The following EDIL3 variants were observed in gnomAD, a reference collection of about 807,000 sequenced individuals.
EDIL3 encodes the protein EGF like and discoidin domains 3.
In EDIL3, 37 loss-of-function variants were observed where a neutral mutation model predicts 67.4. The observed-to-expected ratio is 0.55, with a 90% CI of 0.42 to 0.72. The LOEUF (loss-of-function observed/expected upper bound fraction) is 0.72. Ranked by LOEUF, EDIL3 falls within the 30% of genes least tolerant of loss-of-function variation. The pLI is 0.00. For missense variants in EDIL3, 527 were observed against 586.3 expected (o/e 0.90, Z 1.04); for synonymous variants, 195 against 196.3 (o/e 0.99, Z 0.05).
At chr5:84,192,905 C>T (rs10066970) in intron 3 of EDIL3, among the ~76,000 whole-genome samples, 63 of 151,992 alleles carry the variant, frequency 4.1e-4, no homozygotes, top group African/African-American at 1.5e-3. Flanking sequence ...AGAAGTGAAG[C>T]ATAGACTAGA....
intron 9 of EDIL3, among the ~76,000 whole-genome samples, chr5:84,047,393 C>G (rs940562000): frequency 3.3e-5 from 5 of 151,860 alleles, no homozygotes; most frequent in Non-Finnish European, 5.9e-5. Flanking sequence ...ATAAATGACT[C>G]AAAATTAGAA....
At chr5:84,124,146 T>C (rs189284019) in intron 5 of EDIL3, among the ~76,000 whole-genome samples, 212 of 151,986 alleles carry the variant, frequency 1.4e-3, no homozygotes, top group African/African-American at 4.7e-3. Flanking sequence ...ATGCAGGTAT[T>C]TTAGGTATTA....
chr5:84,114,760 A>T (rs1747635048), intron 5 of EDIL3, among the ~76,000 whole-genome samples: 1 of 152,192 alleles, frequency 6.6e-6, no homozygotes, highest in Non-Finnish European at 1.5e-5. Flanking sequence ...GATAAATGCT[A>T]ATTTTTCTCA....
intron 4 of EDIL3, among the ~76,000 whole-genome samples, chr5:84,141,505 T>C (rs1748188035): frequency 6.8e-6 from 1 of 147,214 alleles, no homozygotes; most frequent in Non-Finnish European, 1.5e-5. Flanking sequence ...ATATTATATA[T>C]AATATATTAC....
chr5:84,067,621 T>C (rs16900873), intron 6 of EDIL3, among the ~76,000 whole-genome samples: 8,668 of 152,200 alleles, frequency 0.057, 822 homozygotes, highest in African/African-American at 0.2. Context: ...AATCTTCAGA[T>C]TCATGTAAGT....
intron 9 of EDIL3, among the ~76,000 whole-genome samples, chr5:84,038,118 T>C (rs573534482): frequency 6.6e-6 from 1 of 151,124 alleles, no homozygotes; most frequent in Non-Finnish European, 1.5e-5. Flanking sequence ...TTCTCGTGCT[T>C]CAGCCTCCTA....
chr5:84,225,260 T>C (rs1363229391), intron 3 of EDIL3, among the ~76,000 whole-genome samples: 4 of 151,668 alleles, frequency 2.6e-5, no homozygotes, highest in African/African-American at 4.8e-5. Flanking sequence ...ATAAGATGTA[T>C]CATGCATCCC....
intron 9 of EDIL3, among the ~76,000 whole-genome samples, chr5:83,992,342 CT>C (rs945075789): frequency 5.9e-5 from 9 of 152,116 alleles, no homozygotes; most frequent in African/African-American, 2.2e-4. Flanking sequence ...AAAGAAAATA[CT>C]GATCCAGCAA....
At chr5:84,114,697 G>C (rs191181234) in intron 5 of EDIL3, among the ~76,000 whole-genome samples, 1 of 152,114 alleles carries the variant, frequency 6.6e-6, no homozygotes, top group African/African-American at 2.4e-5. Flanking sequence ...TAAATTGCAC[G>C]TGTACCTTAA....
chr5:84,088,926 G>C (rs942419461), intron 6 of EDIL3, among the ~76,000 whole-genome samples: 1 of 152,046 alleles, frequency 6.6e-6, no homozygotes, highest in Non-Finnish European at 1.5e-5. Flanking sequence ...ATATAAAAAA[G>C]AAATGTTCTG....
intron 1 of EDIL3, 29 bp downstream of exon 1, chr5:84,384,279 A>C: frequency 6.3e-7 from 1 of 1,599,828 alleles, no homozygotes; most frequent in Non-Finnish European, 8.5e-7. Flanking sequence ...CCCATCCCTC[A>C]CCCAGCTGTC....
At chr5:84,142,822 C>CT (rs900454492) in intron 4 of EDIL3, among the ~76,000 whole-genome samples, 3 of 140,596 alleles carry the variant, frequency 2.1e-5, no homozygotes, top group Non-Finnish European at 4.7e-5. Flanking sequence ...AGACGGTGCC[C>CT]CCCCCCCCAA....
chr5:83,942,466 TAAAC>T lies in EDIL3; in HGVS notation c.*949_*952del, dbSNP rs1260639885. 1 of 151,974 alleles carries T rather than the reference TAAAC, an allele frequency of 6.6e-6. No homozygotes were observed. The highest frequency in any genetic ancestry group is 1.5e-5 in the Non-Finnish European group (1 of 67,916). 9.4% of individuals were successfully genotyped at this position (151,974 alleles called of 1,614,324 possible). A position where few individuals can be genotyped will look rare whatever the true frequency, so the allele number is the denominator to read the frequency against. On this transcript the variant is annotated 3_prime_UTR_variant, in exon 11 of 11. Transcript: ENST00000296591. ...TTTCTTTGCTAAATTTTTTATAAAA[TAAAC>T]AAATAAGCCGATTTTTTAAAGTAAA...
chr5:83,983,258 C>T (rs1410148582), intron 9 of EDIL3, among the ~76,000 whole-genome samples: 1 of 152,086 alleles, frequency 6.6e-6, no homozygotes, highest in Non-Finnish European at 1.5e-5. Flanking sequence ...TTTCGTGCTC[C>T]TTGAGTGCTC....
intron 1 of EDIL3, among the ~76,000 whole-genome samples, chr5:84,286,840 C>T (rs1289107198): frequency 2.0e-5 from 3 of 152,112 alleles, no homozygotes; most frequent in African/African-American, 7.2e-5. Context: ...TCAAGGTTCC[C>T]AGTGGGGCAG....
intron 9 of EDIL3, among the ~76,000 whole-genome samples, chr5:84,044,138 A>C (rs1746180068): frequency 6.6e-6 from 1 of 151,920 alleles, no homozygotes; most frequent in Admixed American, 6.6e-5. Context: ...AATCCCACTT[A>C]TGAGTGAGAA....
At position 84,287,838 on chromosome 5, in the gene EDIL3, C is replaced by T. The variant is rs908154794; in HGVS notation, c.68-33626G>A. Among the ~76,000 whole-genome samples the T allele has an allele frequency of 3.9e-5, 6 of 152,128 alleles. No homozygotes were observed. In the South Asian group the frequency reaches 1.2e-3, roughly 32 times the overall value. On this transcript the variant is annotated intron_variant, in intron 1 of 10. Transcript: ENST00000296591. ...TCCTTCTCTAGCCATTCCTTCTTAG[C>T]GGGCTCTTCCTCTTCCTCTCTAACT...
intron 9 of EDIL3, among the ~76,000 whole-genome samples, chr5:83,994,031 C>T (rs139018469): frequency 9.2e-5 from 14 of 152,264 alleles, no homozygotes; most frequent in African/African-American, 3.4e-4. Context: ...GTGCAGTGCT[C>T]TTAAGGGGAA....
intron 10 of EDIL3, among the ~76,000 whole-genome samples, chr5:83,959,750 C>T (rs1275358078): frequency 1.3e-5 from 2 of 150,232 alleles, no homozygotes; most frequent in African/African-American, 2.4e-5. Context: ...GTATTGAGCC[C>T]TTTTAAACAG....
Sources: gnomAD v4.1 joint callset for allele counts (sites outside exome capture counted in the v4.1 genomes callset) on GRCh38, gnomAD v4.1.1 for gene constraint, MANE v1.5 for transcripts, NCBI Gene and HGNC (gene_info 2026-07-23, HGNC 2026-07-21) for gene names.